The following ZNF19 variants were observed in gnomAD, a reference collection of about 807,000 sequenced individuals.
The protein encoded by ZNF19 is zinc finger protein 19 (KOX 12).
ZNF19 carries 11 observed loss-of-function variants against 13.1 expected under a neutral mutation model. That is an observed-to-expected ratio of 0.84 (90% CI 0.53 to 1.39). The LOEUF (loss-of-function observed/expected upper bound fraction) is 1.39. Among genes scored for constraint, ZNF19 ranks in the 40% most tolerant of loss-of-function variants. ZNF19 has a pLI of 0.00. For missense variants in ZNF19, 560 were observed against 547.0 expected, an observed-to-expected ratio of 1.02 and a Z score of -0.24; for synonymous variants, 186 against 187.0, an observed-to-expected ratio of 0.99 and a Z score of 0.04.
At chr16:71,477,409 G>A (rs774928569) in intron 5 of ZNF19, among the ~76,000 whole-genome samples, 21 of 151,988 alleles carry the variant, frequency 1.4e-4, no homozygotes, top group Admixed American at 2.0e-4. Flanking sequence ...TATTTTCCAC[G>A]TATTTGCTCT....
chr16:71,486,358 CA>C (rs201643721), intron 1 of ZNF19, among the ~76,000 whole-genome samples: 33 of 140,992 alleles, frequency 2.3e-4, no homozygotes, highest in Non-Finnish European at 3.0e-4. Flanking sequence ...GAGACCCTGT[CA>C]AAAAAAAAAA....
chr16:71,477,059 T>A (rs997794598), intron 5 of ZNF19, among the ~76,000 whole-genome samples: 24 of 152,232 alleles, frequency 1.6e-4, no homozygotes, highest in African/African-American at 5.8e-4. Context: ...GGCATTTGTG[T>A]TCCAAAAGAT....
chr16:71,481,325 T>C (rs913073836), intron 3 of ZNF19, among the ~76,000 whole-genome samples: 4 of 152,200 alleles, frequency 2.6e-5, no homozygotes, highest in Non-Finnish European at 4.4e-5. Context: ...ACTAAGTTAC[T>C]GGATAAATAA....
chr16:71,475,876 C>A lies in ZNF19; in HGVS notation c.671G>T (p.Arg224Leu), dbSNP rs10500557. Residue 224 changes from arginine to leucine, a missense_variant, in exon 6 of 6, where the codon CGA becomes CTA. Arg to Leu is a moderately radical substitution (Grantham distance 102, BLOSUM62 -2). Transcript: ENST00000288177. ...ERPYQCEECG[R>L]AFNDNANLIR... is the part of the protein sequence containing the mutation. ...CAGATTTGCATTATCATTAAAGGCT[C>A]GCCCACACTCCTCACACTGATAGGG... 10 of 1,612,794 alleles carry A rather than the reference C, an allele frequency of 6.2e-6. No homozygotes were observed. Among genetic ancestry groups the A allele is most frequent in the Non-Finnish European group, 8.5e-6 (10 of 1,179,344 alleles).
At chr16:71,484,097 T>G (rs549102772) in intron 2 of ZNF19, among the ~76,000 whole-genome samples, 1 of 152,246 alleles carries the variant, frequency 6.6e-6, no homozygotes, top group Non-Finnish European at 1.5e-5. Flanking sequence ...AGCCACACTT[T>G]GTGCACGTCA....
At chr16:71,478,362 G>T in intron 4 of ZNF19, 21 bp from the exon 5 acceptor site, 1 of 1,553,208 alleles carries the variant, frequency 6.4e-7, no homozygotes, top group South Asian at 1.1e-5. Flanking sequence ...GAAGAAAATG[G>T]TACTTTTCAG....
In ZNF19 at chr16:71,476,065, A is replaced by G. The variant is rs985892718; in HGVS notation, c.482T>C (p.Phe161Ser). The G allele has an allele frequency of 1.2e-6, 2 of 1,614,156 alleles. No homozygotes were observed. Among genetic ancestry groups the G allele is most frequent in the Admixed American group, 3.3e-5 (2 of 60,022 alleles). Residue 161 changes from phenylalanine to serine, a missense_variant, in exon 6 of 6, where the codon TTC becomes TCC. Physicochemically the swap from Phe to Ser is radical, Grantham distance 155. Coordinates refer to ENST00000288177, the MANE Select transcript of ZNF19 (RefSeq NM_006961.4). ...GGATTTCCCACACTCCTCACATATG[A>G]AAGGTTTCCTTGCACAGGGGATTCT... The part of the protein sequence containing the change: ...VPRIPCARKP[F>S]ICEECGKSFS...
At chr16:71,476,811 G>A (rs1007419253) in intron 5 of ZNF19, among the ~76,000 whole-genome samples, 2 of 152,348 alleles carry the variant, frequency 1.3e-5, no homozygotes, top group African/African-American at 4.8e-5. Flanking sequence ...GAAGTGCTTA[G>A]AGAGTATTAT....
chr16:71,485,954 T>A (rs1426601516), intron 1 of ZNF19, among the ~76,000 whole-genome samples: 1 of 152,152 alleles, frequency 6.6e-6, no homozygotes, highest in African/African-American at 2.4e-5. Flanking sequence ...AAGATGTATA[T>A]GTCCTAATCT....
Position 71,476,156 on chromosome 16 carries a change from C to A in ZNF19, c.391G>T (p.Glu131Ter). 6.2e-7 allele frequency: 1 copy of A among 1,614,106 alleles called. No individual in the cohort carries two copies. The highest frequency in any genetic ancestry group is 1.1e-5 in the South Asian group (1 of 91,068). ...KSVPQRTDFP[E>*]TRNVEKHQDI... ...TGGTGCTTTTCCACATTACGTGTTT[C>A]TGGGAAGTCAGTTCTCTGAGGGACA... Residue 131 changes from glutamate to a stop codon, truncating the protein, a stop_gained, in exon 6 of 6, where the codon GAA becomes TAA. Coordinates refer to ENST00000288177, the MANE Select transcript of ZNF19 (RefSeq NM_006961.4). LOFTEE classifies it low-confidence loss of function (END_TRUNC).
At chr16:71,482,275 G>T in intron 2 of ZNF19, 132 bp from the exon 3 acceptor site, 1 of 741,992 alleles carries the variant, frequency 1.3e-6, no homozygotes, top group Non-Finnish European at 2.3e-6. Context: ...GCATAAATAT[G>T]TACTTTTTAA....
intron 5 of ZNF19, among the ~76,000 whole-genome samples, chr16:71,477,039 C>A (rs1182325513): frequency 6.6e-6 from 1 of 152,144 alleles, no homozygotes; most frequent in Admixed American, 6.5e-5. Context: ...AGACAAACAG[C>A]CCATAAAATG....
Position 71,475,683 on chromosome 16 carries a change from T to A in ZNF19, c.864A>T (p.Leu288=). Residue 288 remains leucine (L), a synonymous_variant, in exon 6 of 6, where the codon CTA becomes CTT. Coordinates refer to ENST00000288177, the MANE Select transcript of ZNF19 (RefSeq NM_006961.4). ...CGKAFVGNSP[L]LRHQKIHTGE... is the part of the protein sequence containing the mutation. ...CAGTGTGGATTTTCTGATGCCGAAG[T>A]AGGGGTGAATTACCAACAAAAGCTT... 1 of 1,612,432 alleles carries A rather than the reference T, an allele frequency of 6.2e-7. No individual in the cohort carries two copies. Among genetic ancestry groups the A allele is most frequent in the Non-Finnish European group, 8.5e-7 (1 of 1,178,850 alleles).
chr16:71,478,118 T>C, intron 5 of ZNF19, 110 bp downstream of exon 5: 1 of 708,516 alleles, frequency 1.4e-6, no homozygotes. Context: ...ATATTTTACC[T>C]ATTAGGTGAA....
intron 5 of ZNF19, among the ~76,000 whole-genome samples, chr16:71,477,348 T>C (rs1430513608): frequency 6.6e-6 from 1 of 152,182 alleles, no homozygotes. Flanking sequence ...GTCTTGATGA[T>C]TCTTTTTCAG....
chr16:71,478,198 A>G, intron 5 of ZNF19, 30 bp downstream of exon 5: 4 of 1,493,644 alleles, frequency 2.7e-6, no homozygotes, highest in Non-Finnish European at 2.8e-6. Context: ...AAAACGCTAC[A>G]ATTGTTGGTT....
intron 1 of ZNF19, among the ~76,000 whole-genome samples, chr16:71,488,611 C>G (rs962326524): frequency 2.6e-5 from 4 of 152,066 alleles, no homozygotes; most frequent in South Asian, 2.1e-4. Context: ...CCCGTCTGAC[C>G]AACATGGTGA....
At chr16:71,477,068 A>G (rs2043607334) in intron 5 of ZNF19, among the ~76,000 whole-genome samples, 1 of 152,198 alleles carries the variant, frequency 6.6e-6, no homozygotes, top group African/African-American at 2.4e-5. Flanking sequence ...GTTCCAAAAG[A>G]TTGGATGACA....
chr16:71,489,274 T>C lies in ZNF19; in HGVS notation c.-192A>G. 3 of 985,592 alleles carry C rather than the reference T, an allele frequency of 3.0e-6. No individual in the cohort carries two copies. Among genetic ancestry groups the C allele is most frequent in the Non-Finnish European group, 3.6e-6 (3 of 830,026 alleles). 61.1% of individuals were successfully genotyped at this position (985,592 alleles called of 1,614,324 possible). On this transcript the variant is annotated splice_region_variant and 5_prime_UTR_variant, in exon 1 of 6. Coordinates refer to ENST00000288177, the MANE Select transcript of ZNF19 (RefSeq NM_006961.4). ...TGTGGGTCCTTGCACTTTGGCACCT[T>C]TGAGCGCGGACTCAAAACAGGCCAG...
Sources: allele counts gnomAD v4.1 joint callset (sites outside exome capture counted in the v4.1 genomes callset), GRCh38; gene constraint gnomAD v4.1.1; transcripts MANE v1.5; gene names NCBI Gene and HGNC (gene_info 2026-07-23, HGNC 2026-07-21).